Variants in ZFAND3 observed in about 807,000 individuals in gnomAD.
ZFAND3 encodes the protein AN1-type zinc finger protein 3.
Under a neutral mutation model 29.6 loss-of-function variants are expected in ZFAND3, and 10 were observed. The ratio of observed to expected loss-of-function variants is 0.34; its 90% CI spans 0.21 to 0.57. The LOEUF is 0.57. ZFAND3 is among the 20% of genes least tolerant of loss of function. The pLI, the probability that ZFAND3 is intolerant of heterozygous loss-of-function variation, is 0.86. For synonymous variants in ZFAND3, 128 were observed against 112.6 expected (o/e 1.14, Z -0.87); for missense variants, 230 against 304.5 (o/e 0.76, Z 1.82).
At chr6:38,007,941 C>T (rs1210166793) in intron 2 of ZFAND3, among the ~76,000 whole-genome samples, 1 of 152,142 alleles carries the variant, frequency 6.6e-6, no homozygotes, top group East Asian at 1.9e-4. Flanking sequence ...CCTTGTTACC[C>T]AAAGTCTGAT....
chr6:37,946,914 GT>G, intron 2 of ZFAND3, among the ~76,000 whole-genome samples: 1 of 152,090 alleles, frequency 6.6e-6, no homozygotes, highest in East Asian at 1.9e-4. Flanking sequence ...GATAAAGAAA[GT>G]CAATTTGGGA....
chr6:37,868,105 CT>C (rs1561916328), intron 1 of ZFAND3, among the ~76,000 whole-genome samples: 1 of 152,054 alleles, frequency 6.6e-6, no homozygotes, highest in African/African-American at 2.4e-5. Context: ...TTGAAATTTC[CT>C]TTAATTCTTA....
rs375610899 is a variant in ZFAND3 at position 38,089,636 on chromosome 6, A to G, written c.361+7179A>G. Reference sequence around the variant, plus strand: ...GATTTTTAGAATTGATTCAGAAGCTAAAGGTGTTGGTATTAAATCAGAAGT... The same window carrying G: ...GATTTTTAGAATTGATTCAGAAGCTGAAGGTGTTGGTATTAAATCAGAAGT... On this transcript the variant is annotated intron_variant, in intron 4 of 5. Coordinates refer to ENST00000287218, the MANE Select transcript of ZFAND3 (RefSeq NM_021943.3). Among the ~76,000 whole-genome samples the G allele has an allele frequency of 1.8e-3, 273 of 152,368 alleles. 2 individuals carry two copies. Among genetic ancestry groups the G allele is most frequent in the African/African-American group, 6.3e-3 (261 of 41,590 alleles).
intron 2 of ZFAND3, among the ~76,000 whole-genome samples, chr6:38,051,944 C>T (rs9296234): frequency 4.6e-5 from 7 of 152,106 alleles, no homozygotes; most frequent in African/African-American, 1.7e-4. Flanking sequence ...GTATAGTCTG[C>T]ACAATAAATG....
At chr6:37,832,277 G>A (rs1406380536) in intron 1 of ZFAND3, among the ~76,000 whole-genome samples, 2 of 152,084 alleles carry the variant, frequency 1.3e-5, no homozygotes, top group Non-Finnish European at 2.9e-5. Flanking sequence ...GGTGGGGAGT[G>A]GTGGTAAAGG....
chr6:37,981,550 T>C (rs2127432452), intron 2 of ZFAND3, among the ~76,000 whole-genome samples: 1 of 152,290 alleles, frequency 6.6e-6, no homozygotes, highest in Non-Finnish European at 1.5e-5. Flanking sequence ...TGTGGGAGGA[T>C]CATGGAATTC....
intron 5 of ZFAND3, among the ~76,000 whole-genome samples, chr6:38,141,700 T>C (rs1765959760): frequency 6.6e-6 from 1 of 152,100 alleles, no homozygotes; most frequent in South Asian, 2.1e-4. Flanking sequence ...CAAAGGAGAA[T>C]GGAACCAGAA....
At chr6:37,972,296 C>G (rs529103344) in intron 2 of ZFAND3, among the ~76,000 whole-genome samples, 2 of 152,340 alleles carry the variant, frequency 1.3e-5, no homozygotes, top group Non-Finnish European at 2.9e-5. Flanking sequence ...AAGCCCCACT[C>G]TAAGAGCATT....
chr6:37,897,898 C>A (rs1331790422), intron 1 of ZFAND3, among the ~76,000 whole-genome samples: 1 of 152,098 alleles, frequency 6.6e-6, no homozygotes, highest in Non-Finnish European at 1.5e-5. Context: ...AGTCAGTCTT[C>A]TTATTGATTT....
chr6:38,026,126 C>G (rs1463195338), intron 2 of ZFAND3, among the ~76,000 whole-genome samples: 1 of 152,096 alleles, frequency 6.6e-6, no homozygotes, highest in African/African-American at 2.4e-5. Context: ...TTATCAGATC[C>G]ATTTCTAAAC....
At chr6:37,830,224 A>G (rs565357644) in intron 1 of ZFAND3, among the ~76,000 whole-genome samples, 1 of 152,150 alleles carries the variant, frequency 6.6e-6, no homozygotes, top group Non-Finnish European at 1.5e-5. Flanking sequence ...GGGAAAGGAC[A>G]CAGAAGGTGG....
intron 1 of ZFAND3, among the ~76,000 whole-genome samples, chr6:37,821,010 C>G (rs1763657093): frequency 6.6e-6 from 1 of 152,176 alleles, no homozygotes; most frequent in South Asian, 2.1e-4. Flanking sequence ...AGTCCCTTTT[C>G]TCTTTTATCG....
intron 1 of ZFAND3, among the ~76,000 whole-genome samples, chr6:37,869,249 C>T (rs559235978): frequency 6.6e-6 from 1 of 152,288 alleles, no homozygotes; most frequent in Non-Finnish European, 1.5e-5. Flanking sequence ...CTGCAACCTC[C>T]ACCTCCCGAG....
rs1765322762 is a variant in ZFAND3, at chr6:37,901,751, GA to G, written c.72-28206del. 2.6e-5 allele frequency among the ~76,000 whole-genome samples: 4 copies of G among 152,350 alleles called. No homozygotes were observed. In the South Asian group the frequency reaches 8.3e-4, roughly 32 times the overall value. On this transcript the variant is annotated intron_variant, in intron 1 of 5. Transcript: ENST00000287218. ...TTGAATGAAAGCAGTGAGGTTGAGT[GA>G]AGGTTTGATACTCACTTCCATGTTC...
At chr6:38,025,509 C>G (rs1763430563) in intron 2 of ZFAND3, among the ~76,000 whole-genome samples, 2 of 152,086 alleles carry the variant, frequency 1.3e-5, no homozygotes. Flanking sequence ...GATATTGAAT[C>G]TTGTGAACTC....
At chr6:37,996,245 T>C (rs1252355162) in intron 2 of ZFAND3, among the ~76,000 whole-genome samples, 1 of 152,234 alleles carries the variant, frequency 6.6e-6, no homozygotes, top group African/African-American at 2.4e-5. Context: ...ACACAAAATA[T>C]ATGCTGCTGT....
chr6:37,861,518 G>A (rs1226273395), intron 1 of ZFAND3, among the ~76,000 whole-genome samples: 1 of 152,184 alleles, frequency 6.6e-6, no homozygotes, highest in Non-Finnish European at 1.5e-5. Context: ...TGTTTCAGGG[G>A]CTTTACGTAC....
chr6:37,892,328 G>C (rs908699476), intron 1 of ZFAND3, among the ~76,000 whole-genome samples: 3 of 152,206 alleles, frequency 2.0e-5, no homozygotes, highest in East Asian at 3.8e-4. Flanking sequence ...GTGGTAGCAC[G>C]TGCCTGTAGT....
intron 2 of ZFAND3, among the ~76,000 whole-genome samples, chr6:37,987,440 C>A (rs1216063556): frequency 1.3e-5 from 2 of 152,078 alleles, no homozygotes; most frequent in South Asian, 2.1e-4. Context: ...AAACTTTAGA[C>A]CCTGGAGTGA....
Sources: gnomAD v4.1 joint callset for allele counts (sites outside exome capture counted in the v4.1 genomes callset) on GRCh38, gnomAD v4.1.1 for gene constraint, MANE v1.5 for transcripts, NCBI Gene and HGNC (gene_info 2026-07-23, HGNC 2026-07-21) for gene names.